ARHGAP35: variants seen among roughly 807,000 people sequenced by gnomAD.
ARHGAP35 encodes the protein Rho GTPase activating protein 35, also known as rho GTPase-activating protein 35.
Under a neutral mutation model 111.1 loss-of-function variants are expected in ARHGAP35, and 15 were observed. The observed-to-expected ratio is 0.13, with a 90% CI of 0.09 to 0.21. The LOEUF is 0.21. Among genes scored for constraint, ARHGAP35 ranks in the 10% least tolerant of loss-of-function variants. The pLI is 1.00. For synonymous variants in ARHGAP35, 643 were observed against 710.3 expected (o/e 0.91, Z 1.51); for missense variants, 1,262 against 1,873.0 (o/e 0.67, Z 6.02).
chr19:46,990,947 A>T (rs1393156903), intron 5 of ARHGAP35, among the ~76,000 whole-genome samples: 1 of 152,114 alleles, frequency 6.6e-6, no homozygotes, highest in African/African-American at 2.4e-5. Context: ...CTCTTAGCTG[A>T]CTGGAATTGT....
intron 3 of ARHGAP35, among the ~76,000 whole-genome samples, chr19:46,981,714 C>CT (rs1348586286): frequency 6.6e-6 from 1 of 152,230 alleles, no homozygotes; most frequent in Non-Finnish European, 1.5e-5. Flanking sequence ...CACCACAGCT[C>CT]TGACAGGGCA....
chr19:46,978,571 GA>G (rs2056592953), intron 3 of ARHGAP35, among the ~76,000 whole-genome samples: 2 of 138,384 alleles, frequency 1.4e-5, no homozygotes, highest in Non-Finnish European at 1.6e-5. Context: ...TGTGTGGTGG[GA>G]TGTGTGTGTG....
chr19:46,901,727 A>AG lies in ARHGAP35; in HGVS notation c.-188-16758dup, dbSNP rs1451712785. On this transcript the variant is annotated intron_variant, in intron 1 of 6. Coordinates refer to ENST00000672722, the MANE Select transcript of ARHGAP35 (RefSeq NM_004491.5). The surrounding 1 kb of genome is among the most constrained non-coding windows in gnomAD (Gnocchi z 4.5). Reference sequence around the variant, plus strand: ...CTGTTGAATTTGAGTGCCCATTCCAAGGGTAGGCATTGATTGTTATCATTC... The same window carrying AG: ...CTGTTGAATTTGAGTGCCCATTCCAAGGGGTAGGCATTGATTGTTATCATTC... Among the ~76,000 whole-genome samples the AG allele has an allele frequency of 6.6e-6, 1 of 152,170 alleles. No homozygotes were observed. The highest frequency in any genetic ancestry group is 1.5e-5 in the Non-Finnish European group (1 of 68,026).
At chr19:46,948,372 A>G (rs915079874) in intron 3 of ARHGAP35, 4 of 152,258 alleles carry the variant, frequency 2.6e-5, no homozygotes, top group Non-Finnish European at 5.9e-5. Context: ...ACATTATCTT[A>G]CATGCAAGGA....
At chr19:46,971,136 G>A (rs555767503) in intron 3 of ARHGAP35, among the ~76,000 whole-genome samples, 1 of 152,224 alleles carries the variant, frequency 6.6e-6, no homozygotes, top group South Asian at 2.1e-4. Flanking sequence ...GGCTGGGCGC[G>A]GTGACTGACG....
intron 1 of ARHGAP35, among the ~76,000 whole-genome samples, chr19:46,905,533 G>A (rs547545832): frequency 4.0e-5 from 6 of 148,672 alleles, no homozygotes; most frequent in South Asian, 2.1e-4. Context: ...CTGCCACCGC[G>A]CCCAGCTAAT....
chr19:46,919,803 C>T lies in ARHGAP35; in HGVS notation c.1128C>T (p.Phe376=). 6.2e-7 allele frequency: 1 copy of T among 1,614,028 alleles called. No individual in the cohort carries two copies. The highest frequency in any genetic ancestry group is 1.1e-5 in the South Asian group (1 of 91,082). Residue 376 remains phenylalanine (F), a synonymous_variant, in exon 2 of 7, where the codon TTC becomes TTT. Transcript: ENST00000672722. The surrounding 1 kb of genome is among the most constrained non-coding windows in gnomAD (Gnocchi z 6.2). ...AKKLLETKPE[F]LKWFVVLEET... is the part of the protein sequence containing the mutation. ...AGCTCTTAGAAACCAAGCCAGAATT[C>T]TTGAAGTGGTTTGTTGTGCTTGAAG... is the stretch of plus-strand genomic sequence containing the variant.
intron 1 of ARHGAP35, among the ~76,000 whole-genome samples, chr19:46,888,118 A>AT (rs1431931896): frequency 6.7e-6 from 1 of 148,772 alleles, no homozygotes; most frequent in Non-Finnish European, 1.5e-5. Flanking sequence ...CGCCTGGCTA[A>AT]TTTTTTTGTA....
At chr19:46,935,807 G>A (rs759004310) in intron 2 of ARHGAP35, among the ~76,000 whole-genome samples, 17 of 152,068 alleles carry the variant, frequency 1.1e-4, no homozygotes, top group Non-Finnish European at 8.8e-5. Flanking sequence ...TATTTCTTTG[G>A]CTTTAGGAAA....
chr19:46,959,944 T>A (rs144548710), intron 3 of ARHGAP35, among the ~76,000 whole-genome samples: 70 of 146,540 alleles, frequency 4.8e-4, no homozygotes, highest in Non-Finnish European at 5.1e-4. Context: ...CAAAAAAAAT[T>A]TTTTTTTTTT....
At position 46,926,411 on chromosome 19, in the gene ARHGAP35, A is replaced by G. The variant is rs535420679; in HGVS notation, c.3681+4055A>G. ...TGTCTGTAAAGAGTTGTTGTTGCAC[A>G]TGGTCTCTGTCTCCCAGTGCCATGC... On this transcript the variant is annotated intron_variant, in intron 2 of 6. Coordinates refer to ENST00000672722, the MANE Select transcript of ARHGAP35 (RefSeq NM_004491.5). This position sits in a 1 kb window ranked among gnomAD's most constrained non-coding sequence, Gnocchi z 4.1. Among the ~76,000 whole-genome samples, 19 of 152,286 alleles carry G rather than the reference A, an allele frequency of 1.2e-4. No homozygotes were observed. Among genetic ancestry groups the G allele is most frequent in the Admixed American group, 7.2e-4 (11 of 15,300 alleles).
intron 3 of ARHGAP35, among the ~76,000 whole-genome samples, chr19:46,976,658 A>T (rs1012667019): frequency 2.0e-5 from 3 of 152,336 alleles, no homozygotes; most frequent in Admixed American, 6.5e-5. Flanking sequence ...GAGCGTGCCA[A>T]CCAGGCCCAT....
At chr19:46,960,020 G>C (rs1403862361) in intron 3 of ARHGAP35, among the ~76,000 whole-genome samples, 1 of 150,028 alleles carries the variant, frequency 6.7e-6, no homozygotes, top group Non-Finnish European at 1.5e-5. Context: ...TAAGGTGGGA[G>C]GATTGCTTGA....
Position 46,955,563 on chromosome 19 carries a change from A to G in ARHGAP35, c.3826+18155A>G, listed in dbSNP as rs1009476206. On this transcript the variant is annotated intron_variant, in intron 3 of 6. Coordinates refer to ENST00000672722, the MANE Select transcript of ARHGAP35 (RefSeq NM_004491.5). ...TATGTTTCATATATACCTTATTCAC[A>G]TAGCATGAAGGTAATTTCATACGAT... Among the ~76,000 whole-genome samples, 4 of 152,272 alleles carry G rather than the reference A, an allele frequency of 2.6e-5. No homozygotes were observed. In the South Asian group the frequency reaches 8.3e-4, roughly 32 times the overall value.
intron 1 of ARHGAP35, among the ~76,000 whole-genome samples, chr19:46,880,915 A>G (rs189787046): frequency 1.4e-4 from 20 of 145,588 alleles, no homozygotes; most frequent in Non-Finnish European, 2.7e-4. Context: ...GCCTGAAGGG[A>G]TCCTCCTGCC....
At chr19:46,904,152 C>T (rs958513891) in intron 1 of ARHGAP35, among the ~76,000 whole-genome samples, 2 of 152,070 alleles carry the variant, frequency 1.3e-5, no homozygotes, top group Non-Finnish European at 1.5e-5. Flanking sequence ...GGGAAGTGGG[C>T]GCAAAGCCTT....
chr19:46,904,130 T>C (rs2056094430), intron 1 of ARHGAP35, among the ~76,000 whole-genome samples: 1 of 152,046 alleles, frequency 6.6e-6, no homozygotes, highest in Admixed American at 6.6e-5. Flanking sequence ...GAGACAGCAC[T>C]GGGATGGGGG....
chr19:46,909,062 G>C (rs553616442), intron 1 of ARHGAP35, among the ~76,000 whole-genome samples: 2 of 152,324 alleles, frequency 1.3e-5, no homozygotes, highest in Non-Finnish European at 2.9e-5. Flanking sequence ...CACTTTGGGA[G>C]GGTGAGGTGG....
At chr19:46,892,513 G>C (rs1342727551) in intron 1 of ARHGAP35, among the ~76,000 whole-genome samples, 3 of 151,488 alleles carry the variant, frequency 2.0e-5, no homozygotes, top group Non-Finnish European at 4.4e-5. Context: ...CTGTTGGGTG[G>C]GTATGGAGCC....
Sources: gnomAD v4.1 joint callset for allele counts (sites outside exome capture counted in the v4.1 genomes callset) on GRCh38, gnomAD v4.1.1 for gene constraint, Gnocchi (gnomAD v3.1) non-coding constraint, MANE v1.5 for transcripts, NCBI Gene and HGNC (gene_info 2026-07-23, HGNC 2026-07-21) for gene names.